Variants in PPM1F observed in about 807,000 individuals in gnomAD.
PPM1F encodes the protein protein phosphatase 1F.
PPM1F carries 17 observed loss-of-function variants against 35.5 expected under a neutral mutation model. The observed-to-expected ratio is 0.48, with a 90% CI of 0.33 to 0.72. PPM1F has a LOEUF of 0.72. Among genes scored for constraint, PPM1F ranks in the 30% least tolerant of loss-of-function variants. The probability of loss-of-function intolerance (pLI) is 0.02; values close to 1 mark genes in which losing one functional copy is unlikely to be tolerated. For synonymous variants in PPM1F, 241 were observed against 255.5 expected (o/e 0.94, Z 0.54); for missense variants, 521 against 613.0 (o/e 0.85, Z 1.59).
At position 21,934,058 on chromosome 22, in the gene PPM1F, G is replaced by A; in HGVS notation, c.524C>T (p.Ser175Phe). 6.4e-7 allele frequency: 1 copy of A among 1,564,824 alleles called. No individual in the cohort carries two copies. Among genetic ancestry groups the A allele is most frequent in the Non-Finnish European group, 8.7e-7 (1 of 1,154,276 alleles). ...TRRKMEDRHV[S>F]LPSFNQLFGL... The stretch of plus-strand genomic sequence containing the variant: ...GAAGAGCTGGTTGAAGGAAGGGAGG[G>A]ACACGTGCCGGTCCTCCATCTTGCG... Residue 175 changes from serine (S) to phenylalanine (F), a missense_variant, in exon 4 of 8, where the codon TCC becomes TTC. By Grantham distance (155) the Ser-to-Phe change is radical. Transcript: ENST00000263212.
At chr22:21,938,319 C>G (rs2070685648) in intron 3 of PPM1F, 1 of 1,216,558 alleles carries the variant, frequency 8.2e-7, no homozygotes, top group African/African-American at 1.6e-5. Flanking sequence ...GCAGCTGCCA[C>G]CGGCCGGAAG....
chr22:21,927,076 A>G (rs1008466678), intron 6 of PPM1F, among the ~76,000 whole-genome samples: 3 of 152,220 alleles, frequency 2.0e-5, no homozygotes, highest in Non-Finnish European at 4.4e-5. Flanking sequence ...CTCCTGTCCC[A>G]GCTGAGGTGG....
intron 2 of PPM1F, chr22:21,940,725 G>T (rs1189698369): frequency 6.6e-6 from 1 of 152,250 alleles, no homozygotes; most frequent in East Asian, 1.9e-4. Flanking sequence ...GCAGCTCCAG[G>T]AAGCTGATCC....
chr22:21,946,184 A>G (rs908299642), intron 1 of PPM1F, 76 bp from the exon 2 acceptor site: 37 of 663,928 alleles, frequency 5.6e-5, no homozygotes, highest in Middle Eastern at 4.2e-4. Flanking sequence ...TGCAAGCACC[A>G]TGTGGCAGGT....
intron 5 of PPM1F, among the ~76,000 whole-genome samples, chr22:21,931,738 G>A (rs1263284849): frequency 2.6e-5 from 4 of 151,738 alleles, no homozygotes; most frequent in Non-Finnish European, 2.9e-5. Flanking sequence ...GGCTGGTCTT[G>A]AACTCCTGAG....
chr22:21,923,417 G>C lies in PPM1F; in HGVS notation c.1040C>G (p.Ala347Gly). The change falls in exon 8 of 8, where the codon GCG becomes GGG. Residue 347 changes from alanine (A) to glycine (G), a missense_variant. Transcript: ENST00000263212. ...VSGEADAASR[A>G]LTGSEDYLLL... ...CAGGTAGTCCTCGGAGCCCGTCAGC[G>C]CCCGGGAAGCTGCATCGGCCTCCCC... 6.2e-7 allele frequency: 1 copy of C among 1,613,436 alleles called. No individual in the cohort carries two copies. The highest frequency in any genetic ancestry group is 8.5e-7 in the Non-Finnish European group (1 of 1,179,730).
Position 21,950,279 on chromosome 22 carries a change from G to A in PPM1F, c.-61+2513C>T, listed in dbSNP as rs1468623036. 2.0e-5 allele frequency: 3 copies of A among 151,456 alleles called. No homozygotes were observed. The East Asian group carries it at 5.8e-4, about 29-fold the overall frequency. The allele number at this position is 151,456 out of a possible 1,614,324, so 9.4% of individuals were successfully genotyped here. ...GTGCCCTCCTTCCATTTTGCCTCCC[G>A]AGATCTCTCAGATCCTTTGAGGCTT... is the stretch of plus-strand genomic sequence containing the variant. On this transcript the variant is annotated intron_variant, in intron 1 of 7. Transcript: ENST00000263212.
At chr22:21,945,623 C>T in intron 2 of PPM1F, 1 of 534,768 alleles carries the variant, frequency 1.9e-6, no homozygotes, top group Non-Finnish European at 3.3e-6. Context: ...TGGACTCTGG[C>T]CTCCAGCCCT....
chr22:21,927,849 T>G (rs1196408334), intron 6 of PPM1F, among the ~76,000 whole-genome samples: 1 of 151,914 alleles, frequency 6.6e-6, no homozygotes, highest in Non-Finnish European at 1.5e-5. Context: ...AGGCTCAGTC[T>G]GGTCCGGGAC....
chr22:21,951,857 C>T (rs1479455001), intron 1 of PPM1F: 1 of 152,278 alleles, frequency 6.6e-6, no homozygotes, highest in Non-Finnish European at 1.5e-5. Context: ...CAATCAAGGT[C>T]TCTGGATGCC....
intron 2 of PPM1F, chr22:21,943,170 G>C (rs2070743110): frequency 1.3e-5 from 2 of 152,148 alleles, no homozygotes; most frequent in Non-Finnish European, 2.9e-5. Context: ...GATGCTCAAA[G>C]CCCTTCATGC....
rs2070458567 is a variant in PPM1F, at chr22:21,922,520, G to T, written c.*572C>A. On this transcript the variant is annotated 3_prime_UTR_variant, in exon 8 of 8. Coordinates refer to ENST00000263212, the MANE Select transcript of PPM1F (RefSeq NM_014634.4). Reference sequence around the variant, plus strand: ...TGGCTGCCCTGGAGTGGGGGCAGGGGGGTGGCTGCTACAGAACAGACCCCT... The same window carrying T: ...TGGCTGCCCTGGAGTGGGGGCAGGGTGGTGGCTGCTACAGAACAGACCCCT... 6.6e-6 allele frequency: 1 copy of T among 152,528 alleles called. No homozygotes were observed. The highest frequency in any genetic ancestry group is 2.4e-5 in the African/African-American group (1 of 41,480). The allele number at this position is 152,528 out of a possible 1,614,324, so 9.4% of individuals were successfully genotyped here. A position where few individuals can be genotyped will look rare whatever the true frequency, so the allele number is the denominator to read the frequency against.
At chr22:21,927,121 C>G (rs2070525603) in intron 6 of PPM1F, among the ~76,000 whole-genome samples, 1 of 152,176 alleles carries the variant, frequency 6.6e-6, no homozygotes, top group South Asian at 2.1e-4. Flanking sequence ...GAACAGGGAC[C>G]TCAAGGCTCT....
chr22:21,938,492 C>T (rs904066107), intron 3 of PPM1F: 28 of 1,100,234 alleles, frequency 2.5e-5, no homozygotes, highest in Non-Finnish European at 3.0e-5. Context: ...TGCTGGCGGC[C>T]TCGGGTATTC....
chr22:21,930,550 A>G (rs1364484374), intron 6 of PPM1F, among the ~76,000 whole-genome samples: 3 of 152,230 alleles, frequency 2.0e-5, no homozygotes, highest in Non-Finnish European at 2.9e-5. Context: ...CACCATGTGC[A>G]TGGTTAATCA....
In PPM1F at chr22:21,939,386, C is replaced by G; in HGVS notation, c.355+146G>C. ...CCCTCCACCTCACTGGGGCCGCAAG[C>G]CTTCTCTGCTCCTTGATTCTGCTGC... On this transcript the variant is annotated intron_variant, in intron 3 of 7. Transcript: ENST00000263212. This position sits in a 1 kb window ranked among gnomAD's most constrained non-coding sequence, Gnocchi z 5.1. The G allele has an allele frequency of 9.2e-7, 1 of 1,092,364 alleles. No individual in the cohort carries two copies. The highest frequency in any genetic ancestry group is 2.6e-5 in the Admixed American group (1 of 38,210). The allele number at this position is 1,092,364 out of a possible 1,614,324, so 67.7% of individuals were successfully genotyped here.
rs1197521905 is a variant in PPM1F at position 21,934,148 on chromosome 22, G to C, written c.434C>G (p.Pro145Arg). ...EVAGQWQKQV[P>R]LAARASQRQW... ...CCGCTGTGAGGCCCGGGCAGCCAAT[G>C]GCACCTGCTTCTGCCACTGGCCGGC... The change falls in exon 4 of 8, where the codon CCA becomes CGA. Residue 145 changes from proline (P) to arginine (R), a missense_variant. Pro to Arg is a moderately radical substitution (Grantham distance 103). This residue lies in a region of PPM1F where 311 missense variants were observed against 351.5 expected (regional missense o/e 0.88). Coordinates refer to ENST00000263212, the MANE Select transcript of PPM1F (RefSeq NM_014634.4). The C allele has an allele frequency of 3.2e-6, 5 of 1,576,930 alleles. No homozygotes were observed. Among genetic ancestry groups the C allele is most frequent in the Non-Finnish European group, 2.6e-6 (3 of 1,161,356 alleles).
At chr22:21,947,746 G>A (rs1221536255) in intron 1 of PPM1F, 1 of 152,228 alleles carries the variant, frequency 6.6e-6, no homozygotes, top group Non-Finnish European at 1.5e-5. Flanking sequence ...AGGGGCCTGA[G>A]GTGCAGGATG....
Position 21,939,477 on chromosome 22 carries a change from C to A in PPM1F, c.355+55G>T. The A allele has an allele frequency of 6.2e-7, 1 of 1,602,556 alleles. No individual in the cohort carries two copies. Among genetic ancestry groups the A allele is most frequent in the Non-Finnish European group, 8.5e-7 (1 of 1,173,730 alleles). Reference sequence around the variant, plus strand: ...CAATGGGCTTCCCACAATGTCGTCACCCTTTGTTGCCTGCTAAGCAGCCCT... The same window carrying A: ...CAATGGGCTTCCCACAATGTCGTCAACCTTTGTTGCCTGCTAAGCAGCCCT... On this transcript the variant is annotated intron_variant, in intron 3 of 7. Coordinates refer to ENST00000263212, the MANE Select transcript of PPM1F (RefSeq NM_014634.4). This position sits in a 1 kb window ranked among gnomAD's most constrained non-coding sequence, Gnocchi z 5.1.
Sources: allele counts gnomAD v4.1 joint callset (sites outside exome capture counted in the v4.1 genomes callset), GRCh38; gene constraint gnomAD v4.1.1; regional missense constraint gnomAD v4.1.1; non-coding constraint Gnocchi (gnomAD v3.1); transcripts MANE v1.5; gene names NCBI Gene and HGNC (gene_info 2026-07-23, HGNC 2026-07-21).